The following NRG1 variants were observed in gnomAD, a reference collection of about 807,000 sequenced individuals.
NRG1 encodes neuregulin 1, also known as pro-neuregulin-1, membrane-bound isoform.
NRG1 carries 18 observed loss-of-function variants against 63.8 expected under a neutral mutation model. The observed-to-expected ratio is 0.28, with a 90% CI of 0.19 to 0.42. The LOEUF is 0.42. Among genes scored for constraint, NRG1 ranks in the 10% least tolerant of loss-of-function variants. NRG1 has a pLI of 1.00. For synonymous variants in NRG1, 302 were observed against 301.3 expected, an observed-to-expected ratio of 1.00 and a Z score of -0.02; for missense variants, 762 against 814.7, an observed-to-expected ratio of 0.94 and a Z score of 0.79.
chr8:32,043,474 A>T (rs527435144), intron 1 of NRG1, among the ~76,000 whole-genome samples: 1 of 152,096 alleles, frequency 6.6e-6, no homozygotes, highest in South Asian at 2.1e-4. Flanking sequence ...ACACACAAGA[A>T]AATAAACTGA....
intron 1 of NRG1, among the ~76,000 whole-genome samples, chr8:32,166,106 T>G (rs1052797649): frequency 2.6e-5 from 4 of 152,180 alleles, no homozygotes; most frequent in Non-Finnish European, 5.9e-5. Context: ...TAGACAAATA[T>G]TGTAGCCACT....
intron 1 of NRG1, among the ~76,000 whole-genome samples, chr8:32,334,883 T>C (rs1387612256): frequency 6.6e-6 from 1 of 152,208 alleles, no homozygotes; most frequent in Admixed American, 6.6e-5. Flanking sequence ...CAAATCTCCG[T>C]AGCAGGTTGA....
chr8:31,892,092 A>G (rs1831189623), intron 1 of NRG1, among the ~76,000 whole-genome samples: 1 of 152,102 alleles, frequency 6.6e-6, no homozygotes, highest in Non-Finnish European at 1.5e-5. Flanking sequence ...CAATATCCTG[A>G]ATGTGATATT....
At chr8:32,677,895 C>T (rs1416290483) in intron 5 of NRG1, among the ~76,000 whole-genome samples, 15 of 152,078 alleles carry the variant, frequency 9.9e-5, no homozygotes, top group Non-Finnish European at 2.1e-4. Context: ...ACTTTTTTCT[C>T]ACCAATGACA....
intron 1 of NRG1, among the ~76,000 whole-genome samples, chr8:32,134,023 C>T (rs566225110): frequency 1.5e-4 from 23 of 152,194 alleles, no homozygotes; most frequent in Middle Eastern, 6.8e-3. Flanking sequence ...AAGAATTTTA[C>T]ACTCTGCCAA....
intron 1 of NRG1, among the ~76,000 whole-genome samples, chr8:31,662,325 G>GA (rs1305372597): frequency 2.0e-5 from 3 of 152,148 alleles, no homozygotes; most frequent in African/African-American, 7.2e-5. Context: ...GCAGCTAACT[G>GA]AAAATGAACT....
chr8:32,607,015 C>G (rs1563754359), intron 3 of NRG1, among the ~76,000 whole-genome samples: 4 of 152,096 alleles, frequency 2.6e-5, no homozygotes, highest in African/African-American at 9.7e-5. Flanking sequence ...ACAGAGTAAT[C>G]AAAGTTTATC....
chr8:32,751,301 G>C (rs979308227), intron 7 of NRG1: 4 of 152,194 alleles, frequency 2.6e-5, no homozygotes, highest in Non-Finnish European at 5.9e-5. Flanking sequence ...GGCCAGATCA[G>C]ACTGAAAAAT....
chr8:32,251,899 A>G (rs1849154935), intron 1 of NRG1, among the ~76,000 whole-genome samples: 1 of 76,358 alleles, frequency 1.3e-5, no homozygotes, highest in Non-Finnish European at 2.6e-5. Flanking sequence ...TTAGCTGCAT[A>G]ATGTCATTTC....
At chr8:32,301,425 A>C (rs1855552614) in intron 1 of NRG1, among the ~76,000 whole-genome samples, 12 of 152,186 alleles carry the variant, frequency 7.9e-5, no homozygotes, top group Admixed American at 7.9e-4. Flanking sequence ...CATCCAGTTG[A>C]CCCAGGGTAT....
chr8:32,275,281 C>T (rs565763059), intron 1 of NRG1, among the ~76,000 whole-genome samples: 19 of 152,148 alleles, frequency 1.2e-4, no homozygotes, highest in Non-Finnish European at 2.6e-4. Flanking sequence ...GGCACTGTTC[C>T]AGGGTCTGCG....
At chr8:32,031,930 A>T (rs1369764723) in intron 1 of NRG1, among the ~76,000 whole-genome samples, 2 of 152,132 alleles carry the variant, frequency 1.3e-5, no homozygotes, top group African/African-American at 2.4e-5. Context: ...ATACACGTGC[A>T]TGTATCTTTG....
chr8:31,801,517 G>A lies in NRG1; in HGVS notation c.37+162086G>A, dbSNP rs765276113. Among the ~76,000 whole-genome samples the A allele has an allele frequency of 3.3e-5, 5 of 152,114 alleles. No homozygotes were observed. The South Asian group carries it at 6.2e-4, about 19-fold the overall frequency. On this transcript the variant is annotated intron_variant, in intron 1 of 10. Transcript: ENST00000519301. ...AGAAGCAGAGCATTTTCTTGACAGA[G>A]TTTTGAAATATTGTGTGACTTTATG...
intron 1 of NRG1, among the ~76,000 whole-genome samples, chr8:31,957,196 T>TA (rs929546775): frequency 6.6e-6 from 1 of 151,498 alleles, no homozygotes; most frequent in Non-Finnish European, 1.5e-5. Context: ...AAGAGTTTTT[T>TA]TTTTTTTCTT....
intron 1 of NRG1, among the ~76,000 whole-genome samples, chr8:32,270,714 C>T (rs1440512846): frequency 6.6e-6 from 1 of 152,158 alleles, no homozygotes; most frequent in Non-Finnish European, 1.5e-5. Context: ...GGCTCATATG[C>T]ATCTCTTCCT....
At chr8:32,406,873 A>G (rs1407825734) in intron 1 of NRG1, among the ~76,000 whole-genome samples, 1 of 152,136 alleles carries the variant, frequency 6.6e-6, no homozygotes, top group Non-Finnish European at 1.5e-5. Context: ...AACAAACTTA[A>G]ATCCTTGTGG....
At chr8:31,659,568 G>A (rs1049102736) in intron 1 of NRG1, among the ~76,000 whole-genome samples, 3 of 152,048 alleles carry the variant, frequency 2.0e-5, no homozygotes, top group Non-Finnish European at 2.9e-5. Context: ...CTTTTGGAGA[G>A]GGGAATTGAA....
At chr8:32,119,788 G>T (rs751415328) in intron 1 of NRG1, among the ~76,000 whole-genome samples, 2 of 151,930 alleles carry the variant, frequency 1.3e-5, no homozygotes, top group Non-Finnish European at 2.9e-5. Context: ...TTGTGGAGGA[G>T]AACTACCCTA....
At chr8:31,997,854 G>T (rs1458723298) in intron 1 of NRG1, among the ~76,000 whole-genome samples, 2 of 151,940 alleles carry the variant, frequency 1.3e-5, no homozygotes, top group Non-Finnish European at 2.9e-5. Context: ...TGTATGATAG[G>T]TAATATTATT....
Sources: gnomAD v4.1 joint callset for allele counts (sites outside exome capture counted in the v4.1 genomes callset) on GRCh38, gnomAD v4.1.1 for gene constraint, MANE v1.5 for transcripts, NCBI Gene and HGNC (gene_info 2026-07-23, HGNC 2026-07-21) for gene names.